GNB1L: variants seen among roughly 807,000 people sequenced by gnomAD.
GNB1L encodes the protein G protein subunit beta 1 like.
In GNB1L, 20 loss-of-function variants were observed where a neutral mutation model predicts 29.1. The observed-to-expected ratio is 0.69, with a 90% confidence interval of 0.48 to 1.00. The LOEUF is 1.00. Ranked by LOEUF, GNB1L falls within the 50% of genes least tolerant of loss-of-function variation. GNB1L has a pLI of 0.00. For synonymous variants in GNB1L, 193 were observed against 206.5 expected, an observed-to-expected ratio of 0.93 and a Z score of 0.56; for missense variants, 421 against 464.9, an observed-to-expected ratio of 0.91 and a Z score of 0.87.
chr22:19,819,020 G>A (rs1205783237), intron 4 of GNB1L, among the ~76,000 whole-genome samples: 1 of 152,162 alleles, frequency 6.6e-6, no homozygotes, highest in Non-Finnish European at 1.5e-5. Context: ...CTCCGGCCTG[G>A]TGTCTCAGCC....
At chr22:19,809,979 G>A (rs1046302811) in intron 5 of GNB1L, among the ~76,000 whole-genome samples, 3 of 152,204 alleles carry the variant, frequency 2.0e-5, no homozygotes, top group Non-Finnish European at 4.4e-5. Context: ...TGTTGCCCAG[G>A]CTGGTCTCGA....
At chr22:19,831,770 C>A (rs1006222252) in intron 2 of GNB1L, among the ~76,000 whole-genome samples, 13 of 151,330 alleles carry the variant, frequency 8.6e-5, no homozygotes, top group Non-Finnish European at 1.6e-4. Flanking sequence ...AAATTAATAT[C>A]TTTAAAATAT....
Position 19,788,229 on chromosome 22 carries a change from G to A in GNB1L, c.*480C>T, listed in dbSNP as rs916437115. On this transcript the variant is annotated 3_prime_UTR_variant, in exon 8 of 8. Transcript: ENST00000329517. Reference sequence around the variant, plus strand: ...CGGGGTGAGGGGTCATGTGGACATCGACGCAGCTATGGTTGGGGCCTATCA... The same window carrying A: ...CGGGGTGAGGGGTCATGTGGACATCAACGCAGCTATGGTTGGGGCCTATCA... 5 of 311,296 alleles carry A rather than the reference G, an allele frequency of 1.6e-5. No individual in the cohort carries two copies. Among genetic ancestry groups the A allele is most frequent in the African/African-American group, 4.3e-5 (2 of 46,772 alleles). 19.3% of individuals were successfully genotyped at this position (311,296 alleles called of 1,614,324 possible). A position where few individuals can be genotyped will look rare whatever the true frequency, so the allele number is the denominator to read the frequency against.
chr22:19,850,513 G>C, intron 2 of GNB1L: 1 of 1,059,686 alleles, frequency 9.4e-7, no homozygotes. Flanking sequence ...AGCTGAGCCT[G>C]GCAAGGGGCT....
intron 2 of GNB1L, chr22:19,848,660 C>T: frequency 3.0e-6 from 3 of 985,516 alleles, no homozygotes; most frequent in Non-Finnish European, 3.6e-6. Flanking sequence ...TGGACTCTCC[C>T]AAGGACTCTC....
At chr22:19,846,306 G>C in intron 2 of GNB1L, 8 of 562,958 alleles carry the variant, frequency 1.4e-5, no homozygotes, top group Non-Finnish European at 1.8e-5. Context: ...AAGGCAGAAA[G>C]TTACAACCTG....
Position 19,824,716 on chromosome 22 carries a change from G to T in GNB1L, c.-20-3341C>A, listed in dbSNP as rs567397534. ...GGGGACCAGCGGGTAGGTGCAACTGGCAGAGAGGTCCACAGACACCCCACT... is the reference window on the plus strand; with the variant it reads ...GGGGACCAGCGGGTAGGTGCAACTGTCAGAGAGGTCCACAGACACCCCACT... On this transcript the variant is annotated intron_variant, in intron 2 of 7. Coordinates refer to ENST00000329517, the MANE Select transcript of GNB1L (RefSeq NM_053004.3). Among the ~76,000 whole-genome samples, 16 of 152,322 alleles carry T rather than the reference G, an allele frequency of 1.1e-4. No individual in the cohort carries two copies. The South Asian group carries it at 2.9e-3, about 28-fold the overall frequency.
chr22:19,824,197 C>T (rs9606166), intron 2 of GNB1L, among the ~76,000 whole-genome samples: 10,657 of 152,336 alleles, frequency 0.07, 595 homozygotes, highest in East Asian at 0.24. Flanking sequence ...TATTTGAAAA[C>T]TAATTAATTC....
At position 19,788,258 on chromosome 22, in the gene GNB1L, C is replaced by A. The variant is rs1020071798; in HGVS notation, c.*451G>T. On this transcript the variant is annotated 3_prime_UTR_variant, in exon 8 of 8. Coordinates refer to ENST00000329517, the MANE Select transcript of GNB1L (RefSeq NM_053004.3). Reference sequence around the variant, plus strand: ...CAGCTATGGTTGGGGCCTATCATCTCCTGAGGCCTGGCCCAGGAAACCCAC... The same window carrying A: ...CAGCTATGGTTGGGGCCTATCATCTACTGAGGCCTGGCCCAGGAAACCCAC... 1 of 431,286 alleles carries A rather than the reference C, an allele frequency of 2.3e-6. No homozygotes were observed. Among genetic ancestry groups the A allele is most frequent in the Non-Finnish European group, 4.2e-6 (1 of 239,742 alleles). The allele number at this position is 431,286 out of a possible 1,614,324, so 26.7% of individuals were successfully genotyped here.
chr22:19,814,949 T>C (rs1937519157), intron 4 of GNB1L, among the ~76,000 whole-genome samples: 2 of 151,750 alleles, frequency 1.3e-5, no homozygotes, highest in South Asian at 2.1e-4. Context: ...GGTAGGAGAA[T>C]TGCTTGAGCC....
intron 5 of GNB1L, among the ~76,000 whole-genome samples, chr22:19,807,688 A>G (rs1937452243): frequency 6.6e-6 from 1 of 152,196 alleles, no homozygotes; most frequent in African/African-American, 2.4e-5. Context: ...AAGGAGTCCA[A>G]GCCCCTGAGG....
chr22:19,799,537 G>A (rs548126549), intron 7 of GNB1L, among the ~76,000 whole-genome samples: 3 of 152,354 alleles, frequency 2.0e-5, no homozygotes, highest in Non-Finnish European at 4.4e-5. Flanking sequence ...TGCGTGGTGC[G>A]GCGAAGCCAC....
chr22:19,810,124 C>T (rs1039809762), intron 5 of GNB1L, among the ~76,000 whole-genome samples: 1 of 152,192 alleles, frequency 6.6e-6, no homozygotes, highest in Non-Finnish European at 1.5e-5. Context: ...TGGGCTAGTT[C>T]CAGCAGTTAA....
At chr22:19,818,321 CAGG>C (rs1043133388) in intron 4 of GNB1L, among the ~76,000 whole-genome samples, 10 of 152,242 alleles carry the variant, frequency 6.6e-5, no homozygotes, top group Non-Finnish European at 1.3e-4. Flanking sequence ...GCTGAAAACT[CAGG>C]AGGACACTTA....
chr22:19,853,564 TCATCCCACATCTCCTATCTGCTGGC>T (rs1938161019), intron 2 of GNB1L, among the ~76,000 whole-genome samples: 1 of 152,096 alleles, frequency 6.6e-6, no homozygotes, highest in Non-Finnish European at 1.5e-5. Context: ...GCACACACCT[TCATCCCACATCTCCTATCTGCTGGC>T]CATCCCCCCT....
intron 2 of GNB1L, among the ~76,000 whole-genome samples, chr22:19,845,352 A>G (rs947169241): frequency 8.5e-5 from 13 of 152,180 alleles, no homozygotes; most frequent in Admixed American, 8.5e-4. Context: ...GGCCCCCCCT[A>G]TGCACAGCCT....
Position 19,783,465 on chromosome 22 carries a change from A to C in GNB1L, c.*5244T>G, listed in dbSNP as rs1436649676. 1 of 275,554 alleles carries C rather than the reference A, an allele frequency of 3.6e-6. No individual in the cohort carries two copies. Among genetic ancestry groups the C allele is most frequent in the Non-Finnish European group, 7.1e-6 (1 of 140,460 alleles). The allele number at this position is 275,554 out of a possible 1,614,324, so 17.1% of individuals were successfully genotyped here. ...CTCGGGAGGCTGAGGCAGGAGGATC[A>C]CTTGAGCCTATTAGTTGGAGGCTGC... On this transcript the variant is annotated 3_prime_UTR_variant, in exon 8 of 8. Transcript: ENST00000329517.
At chr22:19,796,747 G>T (rs981528128) in intron 7 of GNB1L, among the ~76,000 whole-genome samples, 1 of 152,178 alleles carries the variant, frequency 6.6e-6, no homozygotes, top group Non-Finnish European at 1.5e-5. Context: ...CTGGAAACAG[G>T]CTCCATGTGG....
At chr22:19,812,178 G>T (rs899330860) in intron 5 of GNB1L, 107 bp downstream of exon 5, 2 of 1,198,060 alleles carry the variant, frequency 1.7e-6, no homozygotes, top group Non-Finnish European at 2.3e-6. Context: ...CGGCAGGTGG[G>T]CGGCTCCATG....
Sources: gnomAD v4.1 joint callset for allele counts (sites outside exome capture counted in the v4.1 genomes callset) on GRCh38, gnomAD v4.1.1 for gene constraint, MANE v1.5 for transcripts, NCBI Gene and HGNC (gene_info 2026-07-23, HGNC 2026-07-21) for gene names.